PDZRN4: variants seen among roughly 807,000 people sequenced by gnomAD.
PDZRN4 encodes PDZ domain-containing RING finger protein 4.
PDZRN4 carries 70 observed loss-of-function variants against 99.0 expected under a neutral mutation model. That is an observed-to-expected ratio of 0.71 (90% CI 0.58 to 0.86). The LOEUF is 0.86. Among genes scored for constraint, PDZRN4 ranks in the 40% least tolerant of loss-of-function variants. PDZRN4 has a pLI of 0.00. For synonymous variants in PDZRN4, 551 were observed against 501.6 expected, an observed-to-expected ratio of 1.10 and a Z score of -1.32; for missense variants, 1,474 against 1,331.2, an observed-to-expected ratio of 1.11 and a Z score of -1.67.
chr12:41,204,244 C>G (rs1950834200), intron 3 of PDZRN4, among the ~76,000 whole-genome samples: 1 of 151,930 alleles, frequency 6.6e-6, no homozygotes, highest in African/African-American at 2.4e-5. Context: ...GAAATCTATC[C>G]CCTATGTCTG....
At chr12:41,374,971 T>C (rs141904758) in intron 3 of PDZRN4, among the ~76,000 whole-genome samples, 5 of 151,858 alleles carry the variant, frequency 3.3e-5, no homozygotes, top group African/African-American at 9.6e-5. Flanking sequence ...CTCTCTCTCT[T>C]TCTCTCTCTC....
chr12:41,275,319 A>G (rs1951343610), intron 3 of PDZRN4, among the ~76,000 whole-genome samples: 1 of 152,132 alleles, frequency 6.6e-6, no homozygotes, highest in African/African-American at 2.4e-5. Context: ...TTTTCTTCAT[A>G]ATGCTTACTA....
At chr12:41,189,625 T>A (rs1303491003) in intron 1 of PDZRN4, among the ~76,000 whole-genome samples, 1 of 152,170 alleles carries the variant, frequency 6.6e-6, no homozygotes, top group Non-Finnish European at 1.5e-5. Context: ...CTGAATCAAC[T>A]GCCTTCTATT....
chr12:41,227,724 G>A (rs980001413), intron 3 of PDZRN4, among the ~76,000 whole-genome samples: 1 of 151,950 alleles, frequency 6.6e-6, no homozygotes, highest in African/African-American at 2.4e-5. Flanking sequence ...TCTCTAGTGT[G>A]ACCATGTGCA....
intron 3 of PDZRN4, among the ~76,000 whole-genome samples, chr12:41,214,290 A>C (rs934480508): frequency 6.8e-6 from 1 of 146,368 alleles, no homozygotes; most frequent in Admixed American, 6.8e-5. Flanking sequence ...TTAACCAGGC[A>C]TGGTGGTACA....
chr12:41,495,946 C>T (rs1221151040), intron 3 of PDZRN4, among the ~76,000 whole-genome samples: 1 of 152,052 alleles, frequency 6.6e-6, no homozygotes, highest in African/African-American at 2.4e-5. Context: ...CATAGTTAGC[C>T]CTTTGTGCTC....
At chr12:41,352,145 C>T (rs1356704984) in intron 3 of PDZRN4, among the ~76,000 whole-genome samples, 1 of 151,990 alleles carries the variant, frequency 6.6e-6, no homozygotes, top group Admixed American at 6.6e-5. Context: ...GACAAGGGTG[C>T]ACTGGATTTG....
At chr12:41,565,897 AT>A (rs2120842813) in intron 8 of PDZRN4, among the ~76,000 whole-genome samples, 2 of 152,250 alleles carry the variant, frequency 1.3e-5, no homozygotes, top group South Asian at 4.1e-4. Flanking sequence ...GTGCAGATAG[AT>A]CCCCACTCTT....
intron 3 of PDZRN4, among the ~76,000 whole-genome samples, chr12:41,291,059 G>A (rs939582269): frequency 2.6e-5 from 4 of 151,908 alleles, no homozygotes; most frequent in Non-Finnish European, 5.9e-5. Flanking sequence ...TTAATCTTGG[G>A]TAATGTAAAT....
intron 3 of PDZRN4, among the ~76,000 whole-genome samples, chr12:41,499,989 G>T (rs746143639): frequency 2.0e-5 from 3 of 151,968 alleles, no homozygotes; most frequent in Admixed American, 1.3e-4. Context: ...AATCAGATTG[G>T]TAGAGGCAAA....
In PDZRN4 at chr12:41,317,108, G is replaced by A. The variant is rs902066278; in HGVS notation, c.843+122920G>A. Among the ~76,000 whole-genome samples, 4 of 109,182 alleles carry A rather than the reference G, an allele frequency of 3.7e-5. No individual in the cohort carries two copies. The South Asian group carries it at 1.3e-3, about 35-fold the overall frequency. The allele number at this position is 109,182 out of a possible 152,430, so 71.6% of individuals were successfully genotyped here. A position where few individuals can be genotyped will look rare whatever the true frequency, so the allele number is the denominator to read the frequency against. On this transcript the variant is annotated intron_variant, in intron 3 of 9. Transcript: ENST00000402685. Reference sequence around the variant, plus strand: ...GTATATTACATAGAGAATTATCTATGTGGTATACAAGTATGTATATTTGCA... The same window carrying A: ...GTATATTACATAGAGAATTATCTATATGGTATACAAGTATGTATATTTGCA...
chr12:41,572,264 C>A, intron 9 of PDZRN4, 100 bp from the exon 10 acceptor site: 2 of 974,174 alleles, frequency 2.1e-6, no homozygotes, highest in East Asian at 5.2e-5. Context: ...CTAGGAGATG[C>A]AACTTTGCCA....
intron 5 of PDZRN4, among the ~76,000 whole-genome samples, chr12:41,516,441 G>A (rs146131865): frequency 9.3e-4 from 141 of 152,156 alleles, no homozygotes; most frequent in Admixed American, 2.6e-3. Flanking sequence ...TGGGGGAGAG[G>A]AGAAGAAGGC....
rs367592289 is a variant in PDZRN4, at chr12:41,374,753, G to A, written c.844-131703G>A. On this transcript the variant is annotated intron_variant, in intron 3 of 9. Transcript: ENST00000402685. ...AGATCTGGCCTGAAAGTATCAGTTG[G>A]GAGGAAGGACATTGTAGTGGTTCTT... 5.3e-4 allele frequency among the ~76,000 whole-genome samples: 81 copies of A among 152,160 alleles called. No individual in the cohort carries two copies. In the South Asian group the frequency reaches 0.011, roughly 21 times the overall value.
At chr12:41,227,759 T>G (rs1235915995) in intron 3 of PDZRN4, among the ~76,000 whole-genome samples, 1 of 151,880 alleles carries the variant, frequency 6.6e-6, no homozygotes, top group Non-Finnish European at 1.5e-5. Flanking sequence ...TGTTTGGTGT[T>G]TAATGAACCA....
At position 41,543,224 on chromosome 12, in the gene PDZRN4, G is replaced by C. The variant is rs74785586; in HGVS notation, c.1204-9432G>C. ...ACTACATATCCCATTGCACTATAGT[G>C]AATTCTTTATGTGCTTAAGCCTCCG... On this transcript the variant is annotated intron_variant, in intron 5 of 9. Transcript: ENST00000402685. Among the ~76,000 whole-genome samples, 840 of 152,222 alleles carry C rather than the reference G, an allele frequency of 5.5e-3. 7 individuals carry two copies. Among genetic ancestry groups the C allele is most frequent in the African/African-American group, 0.019 (780 of 41,540 alleles).
chr12:41,425,306 A>G (rs1316661237), intron 3 of PDZRN4, among the ~76,000 whole-genome samples: 1 of 151,564 alleles, frequency 6.6e-6, no homozygotes. Flanking sequence ...GTAGGAAGGT[A>G]ACCTAGAAGC....
At chr12:41,208,493 A>AT (rs1430317642) in intron 3 of PDZRN4, among the ~76,000 whole-genome samples, 2 of 151,870 alleles carry the variant, frequency 1.3e-5, no homozygotes, top group Non-Finnish European at 2.9e-5. Flanking sequence ...AATTATTTTA[A>AT]TCTTTGTCAA....
chr12:41,490,597 T>A (rs1445486896), intron 3 of PDZRN4, among the ~76,000 whole-genome samples: 1 of 152,100 alleles, frequency 6.6e-6, no homozygotes, highest in Non-Finnish European at 1.5e-5. Context: ...ATGTTTTATA[T>A]TTATTATTGC....
Sources: allele counts gnomAD v4.1 joint callset (sites outside exome capture counted in the v4.1 genomes callset), GRCh38; gene constraint gnomAD v4.1.1; transcripts MANE v1.5; gene names NCBI Gene and HGNC (gene_info 2026-07-23, HGNC 2026-07-21).